RPRD2: variants seen among roughly 807,000 people sequenced by gnomAD.
RPRD2 encodes regulation of nuclear pre-mRNA domain-containing protein 2.
In RPRD2, 12 loss-of-function variants were observed where a neutral mutation model predicts 104.4. The observed-to-expected ratio is 0.11, with a 90% CI of 0.07 to 0.19. The LOEUF is 0.19. RPRD2 is among the 10% of genes least tolerant of loss of function. RPRD2 has a pLI of 1.00. For synonymous variants in RPRD2, 714 were observed against 684.9 expected (o/e 1.04, Z -0.66); for missense variants, 1,543 against 1,790.1 (o/e 0.86, Z 2.49).
intron 2 of RPRD2, among the ~76,000 whole-genome samples, chr1:150,427,378 C>T (rs587674195): frequency 4.6e-5 from 7 of 151,434 alleles, no homozygotes; most frequent in Admixed American, 4.0e-4. Flanking sequence ...GAAGCTAAGG[C>T]AGGAGAATTG....
intron 1 of RPRD2, among the ~76,000 whole-genome samples, chr1:150,395,481 T>C (rs1662442059): frequency 6.6e-6 from 1 of 151,752 alleles, no homozygotes; most frequent in Non-Finnish European, 1.5e-5. Flanking sequence ...CAATTGCAAA[T>C]TGTGCTGCTA....
intron 7 of RPRD2, among the ~76,000 whole-genome samples, chr1:150,446,799 A>G (rs1553895585): frequency 3.3e-5 from 5 of 151,764 alleles, no homozygotes; most frequent in African/African-American, 1.2e-4. Flanking sequence ...GTACAAGGTA[A>G]TACAGCTAGT....
At chr1:150,385,304 G>T (rs1260421) in intron 1 of RPRD2, among the ~76,000 whole-genome samples, 2 of 151,416 alleles carry the variant, frequency 1.3e-5, no homozygotes, top group African/African-American at 2.4e-5. Flanking sequence ...ATCTAACCCC[G>T]CACCACCCCC....
intron 1 of RPRD2, among the ~76,000 whole-genome samples, chr1:150,383,187 GT>G (rs1553881126): frequency 6.6e-6 from 1 of 151,390 alleles, no homozygotes. Context: ...TAGAGATGAT[GT>G]CTTGCTATGT....
chr1:150,393,947 C>G (rs587625821), intron 1 of RPRD2, among the ~76,000 whole-genome samples: 1 of 151,848 alleles, frequency 6.6e-6, no homozygotes, highest in Admixed American at 6.6e-5. Context: ...TAAAAAAAAA[C>G]CCCAACTATA....
intron 8 of RPRD2, among the ~76,000 whole-genome samples, chr1:150,458,043 T>G (rs587693976): frequency 1.3e-5 from 2 of 152,006 alleles, no homozygotes; most frequent in Admixed American, 6.6e-5. Context: ...CACTCCAGTC[T>G]GGGAGACAGA....
intron 10 of RPRD2, among the ~76,000 whole-genome samples, chr1:150,467,966 C>G (rs1668383516): frequency 6.6e-6 from 1 of 151,814 alleles, no homozygotes; most frequent in Admixed American, 6.6e-5. Context: ...CAAGACCAGC[C>G]TGGCCAACAG....
chr1:150,432,111 A>G (rs1665637871), intron 2 of RPRD2, among the ~76,000 whole-genome samples: 1 of 151,990 alleles, frequency 6.6e-6, no homozygotes, highest in Non-Finnish European at 1.5e-5. Flanking sequence ...TTTTACCACA[A>G]TTTTCCTTAA....
intron 1 of RPRD2, among the ~76,000 whole-genome samples, chr1:150,393,358 T>C (rs1043243761): frequency 1.4e-5 from 2 of 146,468 alleles, no homozygotes; most frequent in East Asian, 4.1e-4. Context: ...TTTAGGAGGC[T>C]GAGGTGGATG....
chr1:150,364,708 CG>C lies in RPRD2; in HGVS notation c.-4del. 6.5e-7 allele frequency: 1 copy of C among 1,550,096 alleles called. No homozygotes were observed. Among genetic ancestry groups the C allele is most frequent in the South Asian group, 1.2e-5 (1 of 85,918 alleles). ...GAGGAGCAGCAGCGCTTGTGCAAACCGGGAAGATGGCGGCCGGCGGCGGCGG... is the reference window on the plus strand; with the variant it reads ...GAGGAGCAGCAGCGCTTGTGCAAACCGGAAGATGGCGGCCGGCGGCGGCGG... On this transcript the variant is annotated 5_prime_UTR_variant, in exon 1 of 11. Coordinates refer to ENST00000369068, the MANE Select transcript of RPRD2 (RefSeq NM_015203.5).
chr1:150,452,896 C>T (rs1178587369), intron 7 of RPRD2, among the ~76,000 whole-genome samples: 1 of 152,074 alleles, frequency 6.6e-6, no homozygotes, highest in African/African-American at 2.4e-5. Flanking sequence ...TCTCAAACTC[C>T]TGACCTCAGG....
chr1:150,373,060 C>T (rs1660435773), intron 1 of RPRD2, among the ~76,000 whole-genome samples: 1 of 151,362 alleles, frequency 6.6e-6, no homozygotes, highest in Admixed American at 6.6e-5. Flanking sequence ...GTTGCTCAGG[C>T]TGGAGTGCAA....
chr1:150,394,685 G>A (rs1553883817), intron 1 of RPRD2, among the ~76,000 whole-genome samples: 2 of 151,860 alleles, frequency 1.3e-5, no homozygotes, highest in East Asian at 1.9e-4. Context: ...TCAGCCTCCC[G>A]GGTTCAAGCA....
At chr1:150,426,717 G>T (rs1349097403) in intron 2 of RPRD2, among the ~76,000 whole-genome samples, 1 of 152,220 alleles carries the variant, frequency 6.6e-6, no homozygotes, top group Non-Finnish European at 1.5e-5. Context: ...GGGGTAGGGG[G>T]CAGGGAATGG....
chr1:150,415,582 G>A (rs2102270008), intron 1 of RPRD2, among the ~76,000 whole-genome samples: 1 of 152,102 alleles, frequency 6.6e-6, no homozygotes, highest in Admixed American at 6.5e-5. Context: ...CTACTCGAGA[G>A]GCTTGAGGTG....
intron 7 of RPRD2, among the ~76,000 whole-genome samples, chr1:150,452,381 T>C (rs1206014403): frequency 1.3e-5 from 2 of 152,128 alleles, no homozygotes; most frequent in Non-Finnish European, 2.9e-5. Context: ...AGACAATAAA[T>C]TTCTGTTGTT....
At chr1:150,409,461 C>G (rs1663735467) in intron 1 of RPRD2, among the ~76,000 whole-genome samples, 1 of 151,798 alleles carries the variant, frequency 6.6e-6, no homozygotes. Flanking sequence ...GTGTTAAGCA[C>G]TATTCTAGGT....
chr1:150,448,924 A>C lies in RPRD2; in HGVS notation c.870+2523A>C, dbSNP rs1419350105. On this transcript the variant is annotated intron_variant, in intron 7 of 10. Coordinates refer to ENST00000369068, the MANE Select transcript of RPRD2 (RefSeq NM_015203.5). Reference sequence around the variant, plus strand: ...CTGGAGCAGTCTCAAGTAATTTCCCAAAAAAAAAGTGTTTGTGAGAGGGAA... The same window carrying C: ...CTGGAGCAGTCTCAAGTAATTTCCCCAAAAAAAAGTGTTTGTGAGAGGGAA... 3.3e-5 allele frequency among the ~76,000 whole-genome samples: 5 copies of C among 151,284 alleles called. No individual in the cohort carries two copies. In the South Asian group the frequency reaches 8.3e-4, roughly 25 times the overall value.
Position 150,473,556 on chromosome 1 carries a change from T to TAAAAAAAAAAAAAAAAAA in RPRD2, c.*228_*245dup, listed in dbSNP as rs61486244. 1.0e-5 allele frequency: 1 copy of TAAAAAAAAAAAAAAAAAA among 98,120 alleles called. No homozygotes were observed. The highest frequency in any genetic ancestry group is 4.6e-5 in the African/African-American group (1 of 21,712). The allele number at this position is 98,120 out of a possible 1,614,324, so 6.1% of individuals were successfully genotyped here. On this transcript the variant is annotated 3_prime_UTR_variant, in exon 11 of 11. Transcript: ENST00000369068. ...TCTACCTTCCCCAAGTTGTTTGTAT[T>TAAAAAAAAAAAAAAAAAA]AAAAAAAAAAAAAAAAAAAAAAAGT...
Sources: gnomAD v4.1 joint callset for allele counts (sites outside exome capture counted in the v4.1 genomes callset) on GRCh38, gnomAD v4.1.1 for gene constraint, MANE v1.5 for transcripts, NCBI Gene and HGNC (gene_info 2026-07-23, HGNC 2026-07-21) for gene names.